The following TMCC1 variants were observed in gnomAD, a reference collection of about 807,000 sequenced individuals.
The protein encoded by TMCC1 is transmembrane and coiled-coil domain family 1.
In TMCC1, 15 loss-of-function variants were observed where a neutral mutation model predicts 52.4. That is an observed-to-expected ratio of 0.29 (90% CI 0.19 to 0.44). The LOEUF is 0.44. Among genes scored for constraint, TMCC1 ranks in the 20% least tolerant of loss-of-function variants. The pLI is 1.00. For missense variants in TMCC1, 503 were observed against 806.0 expected (o/e 0.62, Z 4.55); for synonymous variants, 279 against 301.9 (o/e 0.92, Z 0.79).
chr3:129,709,493 A>G (rs1186413203), intron 4 of TMCC1, among the ~76,000 whole-genome samples: 6 of 68,420 alleles, frequency 8.8e-5, no homozygotes, highest in African/African-American at 3.2e-4. Context: ...AAAAAAAAAA[A>G]AAAAAGAGAG....
intron 4 of TMCC1, among the ~76,000 whole-genome samples, chr3:129,672,546 G>A (rs2088043575): frequency 6.6e-6 from 1 of 152,076 alleles, no homozygotes; most frequent in South Asian, 2.1e-4. Flanking sequence ...GCTGCAGTGA[G>A]CTATGACTGC....
At chr3:129,654,256 T>G (rs1435220399) in intron 6 of TMCC1, among the ~76,000 whole-genome samples, 1 of 152,214 alleles carries the variant, frequency 6.6e-6, no homozygotes, top group East Asian at 1.9e-4. Context: ...CAATGGATGC[T>G]GTCCAGTCCA....
intron 4 of TMCC1, among the ~76,000 whole-genome samples, chr3:129,733,283 A>G (rs141879543): frequency 2.9e-3 from 444 of 152,362 alleles, no homozygotes; most frequent in Non-Finnish European, 5.1e-3. Context: ...TGTGGTGTAC[A>G]TGAAACAACA....
In TMCC1 at chr3:129,678,472, T is replaced by C. The variant is rs137966733; in HGVS notation, c.577-7208A>G. Among the ~76,000 whole-genome samples the C allele has an allele frequency of 4.1e-3, 620 of 150,816 alleles. 4 individuals carry two copies. Among genetic ancestry groups the C allele is most frequent in the Non-Finnish European group, 6.0e-3 (405 of 67,772 alleles). On this transcript the variant is annotated intron_variant, in intron 4 of 6. Coordinates refer to ENST00000393238, the MANE Select transcript of TMCC1 (RefSeq NM_001017395.5). Reference sequence around the variant, plus strand: ...ACCCTCTGAGTTCAAGCAATTCTTCTGCCTCAGCCTCCCGAGTAGCTGGGA... The same window carrying C: ...ACCCTCTGAGTTCAAGCAATTCTTCCGCCTCAGCCTCCCGAGTAGCTGGGA...
At chr3:129,781,905 T>C (rs1452534535) in intron 4 of TMCC1, among the ~76,000 whole-genome samples, 1 of 152,012 alleles carries the variant, frequency 6.6e-6, no homozygotes, top group East Asian at 1.9e-4. Flanking sequence ...TACCCAAATT[T>C]TAGGTATATT....
Position 129,666,111 on chromosome 3 carries a change from C to A in TMCC1, c.1511+4219G>T, listed in dbSNP as rs183156160. 3.8e-3 allele frequency among the ~76,000 whole-genome samples: 580 copies of A among 152,262 alleles called. 5 individuals carry two copies. The highest frequency in any genetic ancestry group is 0.013 in the African/African-American group (534 of 41,552). ...CACAGAAGGATCTGTGAAGTCCATC[C>A]ACAGCCTACTTTCTTCCTACACAAA... On this transcript the variant is annotated intron_variant, in intron 5 of 6. Coordinates refer to ENST00000393238, the MANE Select transcript of TMCC1 (RefSeq NM_001017395.5).
chr3:129,871,471 G>A (rs980282910), intron 2 of TMCC1, among the ~76,000 whole-genome samples: 1 of 150,226 alleles, frequency 6.7e-6, no homozygotes, highest in Non-Finnish European at 1.5e-5. Flanking sequence ...TTTCTTTGAT[G>A]CAACATATTA....
chr3:129,745,782 T>G (rs2051891882), intron 4 of TMCC1, among the ~76,000 whole-genome samples: 1 of 151,630 alleles, frequency 6.6e-6, no homozygotes, highest in East Asian at 2.0e-4. Context: ...GCCAACATGG[T>G]AAAACCCCGT....
intron 5 of TMCC1, among the ~76,000 whole-genome samples, chr3:129,657,546 T>C (rs937654728): frequency 2.6e-5 from 4 of 152,188 alleles, no homozygotes; most frequent in Admixed American, 2.6e-4. Flanking sequence ...CTTTACAATG[T>C]GATGCCATTT....
intron 2 of TMCC1, chr3:129,847,777 T>G (rs1257918911): frequency 1.3e-5 from 2 of 152,362 alleles, no homozygotes; most frequent in Non-Finnish European, 1.5e-5. Context: ...TTGATCCATT[T>G]CACATTCCTA....
At chr3:129,882,298 AC>A (rs2061494569) in intron 1 of TMCC1, among the ~76,000 whole-genome samples, 1 of 152,050 alleles carries the variant, frequency 6.6e-6, no homozygotes. Context: ...GCAAATCAAA[AC>A]TACAATCAGA....
intron 4 of TMCC1, among the ~76,000 whole-genome samples, chr3:129,694,613 T>C (rs1292234710): frequency 1.3e-5 from 2 of 152,232 alleles, no homozygotes; most frequent in African/African-American, 4.8e-5. Context: ...AAGATGGCGA[T>C]GAGAGTGACC....
intron 4 of TMCC1, among the ~76,000 whole-genome samples, chr3:129,672,754 C>G (rs1486238522): frequency 2.0e-5 from 3 of 152,168 alleles, no homozygotes. Context: ...TACCAGGTAA[C>G]AATTTGCTAG....
chr3:129,669,519 C>T (rs1410589434), intron 5 of TMCC1, among the ~76,000 whole-genome samples: 2 of 150,940 alleles, frequency 1.3e-5, no homozygotes, highest in Non-Finnish European at 3.0e-5. Context: ...ACCGCAACCT[C>T]CACCTCCTGG....
intron 4 of TMCC1, among the ~76,000 whole-genome samples, chr3:129,788,967 G>A (rs557761806): frequency 6.6e-6 from 1 of 152,302 alleles, no homozygotes; most frequent in African/African-American, 2.4e-5. Context: ...TGATTAACAA[G>A]AAGATATTAC....
At chr3:129,813,828 C>CCATTT (rs765097964) in intron 4 of TMCC1, among the ~76,000 whole-genome samples, 18 of 151,796 alleles carry the variant, frequency 1.2e-4, no homozygotes, top group Non-Finnish European at 2.4e-4. Flanking sequence ...TGAAGCTATT[C>CCATTT]CATTTCTACT....
intron 2 of TMCC1, among the ~76,000 whole-genome samples, chr3:129,866,674 A>G (rs1182105691): frequency 6.6e-6 from 1 of 151,842 alleles, no homozygotes; most frequent in East Asian, 1.9e-4. Flanking sequence ...ACCACTTCTG[A>G]CCATATTTTA....
At chr3:129,680,658 T>G (rs2088888887) in intron 4 of TMCC1, among the ~76,000 whole-genome samples, 1 of 152,146 alleles carries the variant, frequency 6.6e-6, no homozygotes, top group Non-Finnish European at 1.5e-5. Flanking sequence ...CCCAGCACTT[T>G]GGGAGGCTGA....
At chr3:129,798,917 G>A (rs112946077) in intron 4 of TMCC1, among the ~76,000 whole-genome samples, 4 of 152,274 alleles carry the variant, frequency 2.6e-5, no homozygotes, top group African/African-American at 9.6e-5. Context: ...CCCCTTAAAT[G>A]AGATTCTTTT....
Sources: allele counts gnomAD v4.1 joint callset (sites outside exome capture counted in the v4.1 genomes callset), GRCh38; gene constraint gnomAD v4.1.1; transcripts MANE v1.5; gene names NCBI Gene and HGNC (gene_info 2026-07-23, HGNC 2026-07-21).